SMOC1: variants seen among roughly 807,000 people sequenced by gnomAD.
The protein encoded by SMOC1 is SPARC related modular calcium binding 1, also known as SPARC-related modular calcium-binding protein 1.
A neutral mutation model predicts 56.3 loss-of-function variants in SMOC1; 22 were observed. That is an observed-to-expected ratio of 0.39 (90% CI 0.28 to 0.56). The LOEUF is 0.56. SMOC1 is among the 20% of genes least tolerant of loss of function. The pLI, the probability that SMOC1 is intolerant of heterozygous loss-of-function variation, is 0.61. For missense variants in SMOC1, 509 were observed against 565.4 expected, an observed-to-expected ratio of 0.90 and a Z score of 1.01; for synonymous variants, 193 against 215.0, an observed-to-expected ratio of 0.90 and a Z score of 0.89.
chr14:69,991,802 A>G (rs1252233746), intron 5 of SMOC1, among the ~76,000 whole-genome samples: 1 of 152,210 alleles, frequency 6.6e-6, no homozygotes, highest in Non-Finnish European at 1.5e-5. Context: ...AGTTAGAAGC[A>G]TTCTAATGAT....
intron 1 of SMOC1, among the ~76,000 whole-genome samples, chr14:69,914,236 G>C (rs1324009054): frequency 6.6e-6 from 1 of 152,156 alleles, no homozygotes; most frequent in Non-Finnish European, 1.5e-5. Context: ...ACTTTTTCTG[G>C]AGCAGATGGT....
chr14:69,885,295 A>G lies in SMOC1; in HGVS notation c.99+5518A>G, dbSNP rs1883767577. ...TTTTTTTTTTTTAAGGAAAATTTGTATTATTTTAATTATTTTTATGTACAG... is the reference window on the plus strand; with the variant it reads ...TTTTTTTTTTTTAAGGAAAATTTGTGTTATTTTAATTATTTTTATGTACAG... On this transcript the variant is annotated intron_variant, in intron 1 of 11. Transcript: ENST00000361956. 3 of 915,102 alleles carry G rather than the reference A, an allele frequency of 3.3e-6. No homozygotes were observed. The South Asian group carries it at 6.1e-5, about 18-fold the overall frequency. 56.7% of individuals were successfully genotyped at this position (915,102 alleles called of 1,614,324 possible). A position where few individuals can be genotyped will look rare whatever the true frequency, so the allele number is the denominator to read the frequency against.
intron 1 of SMOC1, among the ~76,000 whole-genome samples, chr14:69,892,338 C>T (rs1284154018): frequency 1.3e-5 from 2 of 152,192 alleles, no homozygotes; most frequent in Non-Finnish European, 2.9e-5. Flanking sequence ...GGAGAGCATA[C>T]TTGTTCCATG....
At chr14:69,912,399 C>T (rs1002165443) in intron 1 of SMOC1, among the ~76,000 whole-genome samples, 2 of 152,140 alleles carry the variant, frequency 1.3e-5, no homozygotes, top group African/African-American at 4.8e-5. Flanking sequence ...AAGGCATGCA[C>T]CACTACACCT....
At chr14:69,912,079 C>T (rs1272139440) in intron 1 of SMOC1, among the ~76,000 whole-genome samples, 1 of 152,104 alleles carries the variant, frequency 6.6e-6, no homozygotes, top group African/African-American at 2.4e-5. Flanking sequence ...TGTGGTATCT[C>T]ATTATGATTT....
At chr14:69,962,154 ACTCT>A (rs1883403445) in intron 3 of SMOC1, among the ~76,000 whole-genome samples, 1 of 148,894 alleles carries the variant, frequency 6.7e-6, no homozygotes, top group Non-Finnish European at 1.5e-5. Context: ...TAGATACAAG[ACTCT>A]CTCTCTTTTT....
chr14:69,979,749 A>G (rs1884106559), intron 5 of SMOC1, among the ~76,000 whole-genome samples: 2 of 152,098 alleles, frequency 1.3e-5, no homozygotes, highest in Non-Finnish European at 2.9e-5. Context: ...ACAGGCATGC[A>G]CTGCTTTTAG....
intron 1 of SMOC1, among the ~76,000 whole-genome samples, chr14:69,917,092 A>G (rs1884706663): frequency 6.6e-6 from 1 of 152,222 alleles, no homozygotes; most frequent in Admixed American, 6.5e-5. Context: ...ACAGATAATG[A>G]TATTTGATCA....
intron 1 of SMOC1, among the ~76,000 whole-genome samples, chr14:69,927,750 C>A (rs911124156): frequency 6.6e-6 from 1 of 152,176 alleles, no homozygotes; most frequent in African/African-American, 2.4e-5. Context: ...GGAGACACTT[C>A]TCCAGCCATT....
chr14:70,011,576 C>T lies in SMOC1; in HGVS notation c.940+9C>T, dbSNP rs377519847. ...GGACAGGGAGCTACCAGGTGGGAGA[C>T]GATGCTGCCCTGCCGGCGCCATCAC... On this transcript the variant is annotated intron_variant, in intron 9 of 11. Coordinates refer to ENST00000361956, the MANE Select transcript of SMOC1 (RefSeq NM_001034852.3). 5.1e-5 allele frequency: 82 copies of T among 1,613,350 alleles called. No homozygotes were observed. The African/African-American group carries it at 8.9e-4, about 18-fold the overall frequency.
intron 11 of SMOC1, among the ~76,000 whole-genome samples, chr14:70,024,074 C>T (rs1485950103): frequency 6.6e-6 from 1 of 151,958 alleles, no homozygotes. Flanking sequence ...TTTCACTGAC[C>T]AGAGCTCGGT....
intron 7 of SMOC1, among the ~76,000 whole-genome samples, chr14:70,004,298 A>C (rs1296027067): frequency 6.6e-6 from 1 of 152,186 alleles, no homozygotes; most frequent in East Asian, 1.9e-4. Context: ...GCTTCATATT[A>C]TAGGTCAATT....
At position 69,901,486 on chromosome 14, in the gene SMOC1, T is replaced by A. The variant is rs545802485; in HGVS notation, c.99+21709T>A. Among the ~76,000 whole-genome samples the A allele has an allele frequency of 2.0e-5, 3 of 152,346 alleles. No individual in the cohort carries two copies. In the East Asian group the frequency reaches 5.8e-4, roughly 29 times the overall value. On this transcript the variant is annotated intron_variant, in intron 1 of 11. Transcript: ENST00000361956. ...ACATTGTCCCTCAGCCTTCATGTAG[T>A]TCTGGCCCAGTTGCTTCTAAGATTT...
At chr14:69,901,247 T>C (rs1043021134) in intron 1 of SMOC1, among the ~76,000 whole-genome samples, 3 of 152,232 alleles carry the variant, frequency 2.0e-5, no homozygotes, top group South Asian at 2.1e-4. Flanking sequence ...AAGGTACATT[T>C]GCCCTCTGAC....
intron 1 of SMOC1, among the ~76,000 whole-genome samples, chr14:69,934,074 G>A (rs1451902200): frequency 6.6e-6 from 1 of 152,162 alleles, no homozygotes; most frequent in Non-Finnish European, 1.5e-5. Flanking sequence ...AACAGATGAG[G>A]AAACTGAGGC....
intron 4 of SMOC1, among the ~76,000 whole-genome samples, chr14:69,976,092 G>A (rs555586347): frequency 6.6e-6 from 1 of 152,302 alleles, no homozygotes; most frequent in Non-Finnish European, 1.5e-5. Context: ...AGCTGTGGTG[G>A]CATATGAGTT....
At chr14:69,905,372 A>G (rs1884380289) in intron 1 of SMOC1, among the ~76,000 whole-genome samples, 1 of 152,184 alleles carries the variant, frequency 6.6e-6, no homozygotes, top group South Asian at 2.1e-4. Context: ...GCTGTGATGT[A>G]GGTTGATTGT....
chr14:70,007,454 G>T (rs1373275459), intron 7 of SMOC1, among the ~76,000 whole-genome samples: 1 of 152,252 alleles, frequency 6.6e-6, no homozygotes, highest in East Asian at 1.9e-4. Context: ...AAGATTTGTA[G>T]CGTGCTTAGG....
chr14:69,905,212 C>G (rs1884375334), intron 1 of SMOC1, among the ~76,000 whole-genome samples: 1 of 152,130 alleles, frequency 6.6e-6, no homozygotes, highest in South Asian at 2.1e-4. Context: ...AAGGCAGAGT[C>G]AAAGCAGTCC....
Sources: allele counts gnomAD v4.1 joint callset (sites outside exome capture counted in the v4.1 genomes callset), GRCh38; gene constraint gnomAD v4.1.1; transcripts MANE v1.5; gene names NCBI Gene and HGNC (gene_info 2026-07-23, HGNC 2026-07-21).